RGS5: variants seen among roughly 807,000 people sequenced by gnomAD.
RGS5 encodes the protein regulator of G-protein signalling 5.
Under a neutral mutation model 18.9 loss-of-function variants are expected in RGS5, and 20 were observed. The ratio of observed to expected loss-of-function variants is 1.06; its 90% CI spans 0.74 to 1.54. RGS5 has a LOEUF of 1.54. Among genes scored for constraint, RGS5 ranks in the 40% most tolerant of loss-of-function variants. RGS5 has a pLI of 0.00. For missense variants in RGS5, 201 were observed against 211.8 expected (o/e 0.95, Z 0.32); for synonymous variants, 57 against 76.2 (o/e 0.75, Z 1.31).
chr1:163,306,881 G>C (rs1649715015), intron 1 of RGS5, among the ~76,000 whole-genome samples: 1 of 152,144 alleles, frequency 6.6e-6, no homozygotes, highest in African/African-American at 2.4e-5. Flanking sequence ...ACAGCCCTCA[G>C]AAGGCATCAA....
chr1:163,147,207 A>G lies in RGS5; in HGVS notation c.*135T>C. 1 of 902,988 alleles carries G rather than the reference A, an allele frequency of 1.1e-6. No homozygotes were observed. Among genetic ancestry groups the G allele is most frequent in the Non-Finnish European group, 1.6e-6 (1 of 632,442 alleles). The allele number at this position is 902,988 out of a possible 1,614,324, so 55.9% of individuals were successfully genotyped here. A position where few individuals can be genotyped will look rare whatever the true frequency, so the allele number is the denominator to read the frequency against. On this transcript the variant is annotated 3_prime_UTR_variant, in exon 5 of 5. Transcript: ENST00000313961. ...AGCAGTGTGGGCAAAAAGAGTAAGC[A>G]ACATCCCCTGGGATTTTTCCCATGT... is the stretch of plus-strand genomic sequence containing the variant.
intron 2 of RGS5, among the ~76,000 whole-genome samples, chr1:163,292,341 A>T (rs1289313509): frequency 1.3e-5 from 2 of 152,196 alleles, no homozygotes; most frequent in Non-Finnish European, 2.9e-5. Flanking sequence ...CCTGCAAAAG[A>T]CATGATCTCA....
chr1:163,185,942 A>T (rs1557895680), intron 1 of RGS5, among the ~76,000 whole-genome samples: 1 of 152,196 alleles, frequency 6.6e-6, no homozygotes, highest in Non-Finnish European at 1.5e-5. Flanking sequence ...ATAAAGGTAT[A>T]ATTCAACCTG....
At chr1:163,308,452 T>C (rs1557938240) in intron 1 of RGS5, 3 of 152,132 alleles carry the variant, frequency 2.0e-5, no homozygotes. Context: ...ATTATAATCA[T>C]CTAGAAAAAG....
At chr1:163,300,934 T>C (rs1649536681) in intron 2 of RGS5, among the ~76,000 whole-genome samples, 1 of 152,140 alleles carries the variant, frequency 6.6e-6, no homozygotes, top group Admixed American at 6.5e-5. Context: ...TCACGTTGTG[T>C]TGTGCATAGG....
chr1:163,155,716 C>T (rs1442083689), intron 3 of RGS5, among the ~76,000 whole-genome samples: 2 of 152,096 alleles, frequency 1.3e-5, no homozygotes, highest in Non-Finnish European at 2.9e-5. Flanking sequence ...TCTTCTTTGC[C>T]CTACAACCAT....
chr1:163,242,458 T>C (rs968045827), intron 2 of RGS5, among the ~76,000 whole-genome samples: 2 of 152,206 alleles, frequency 1.3e-5, no homozygotes, highest in Non-Finnish European at 2.9e-5. Context: ...TGAGATAAGA[T>C]AGAAGCATAC....
chr1:163,312,347 G>C (rs1649890609), intron 1 of RGS5, among the ~76,000 whole-genome samples: 1 of 152,220 alleles, frequency 6.6e-6, no homozygotes, highest in African/African-American at 2.4e-5. Flanking sequence ...CTTTATAGCA[G>C]TGTGAGAACG....
At position 163,292,172 on chromosome 1, in the gene RGS5, C is replaced by T. The variant is rs993134943; in HGVS notation, c.-281+14061G>A. Among the ~76,000 whole-genome samples the T allele has an allele frequency of 3.9e-5, 6 of 152,038 alleles. 1 individual carries two copies. Among genetic ancestry groups the T allele is most frequent in the Admixed American group, 3.3e-4 (5 of 15,262 alleles). ...CTACCTTATCTTCTCTCTCTTCTAC[C>T]CCCCACCCTCTGACAGGCCCCAGTG... On this transcript the variant is annotated intron_variant, in intron 2 of 5. Transcript: ENST00000618415.
At chr1:163,163,048 G>C (rs1054013838) in intron 2 of RGS5, among the ~76,000 whole-genome samples, 8 of 140,878 alleles carry the variant, frequency 5.7e-5, no homozygotes, top group South Asian at 2.3e-4. Flanking sequence ...TCGGGGGGGG[G>C]GGTGGTTAAT....
chr1:163,160,920 A>G lies in RGS5; in HGVS notation c.217+995T>C, dbSNP rs929037196. Among the ~76,000 whole-genome samples, 32 of 152,206 alleles carry G rather than the reference A, an allele frequency of 2.1e-4. 1 individual carries two copies. The highest frequency in any genetic ancestry group is 1.5e-5 in the Non-Finnish European group (1 of 68,026). On this transcript the variant is annotated intron_variant, in intron 3 of 4. Transcript: ENST00000313961. ...TCCTGTTTTGAAATTATCTACATGA[A>G]AAAGACTAATTCTTGCCCGTTTGTG... is the stretch of plus-strand genomic sequence containing the variant.
intron 1 of RGS5, among the ~76,000 whole-genome samples, chr1:163,170,316 G>T (rs1330670939): frequency 1.3e-5 from 2 of 152,142 alleles, no homozygotes; most frequent in Non-Finnish European, 2.9e-5. Context: ...ACAATGCTTG[G>T]CAATATAGTA....
intron 2 of RGS5, among the ~76,000 whole-genome samples, chr1:163,287,211 C>T (rs76936461): frequency 0.066 from 10,038 of 152,208 alleles, 363 homozygotes; most frequent in Middle Eastern, 0.13. Context: ...TCCCTTCTTA[C>T]CTTTACTTTG....
intron 1 of RGS5, among the ~76,000 whole-genome samples, chr1:163,200,190 T>C (rs536197003): frequency 8.5e-5 from 13 of 152,180 alleles, no homozygotes; most frequent in African/African-American, 3.1e-4. Flanking sequence ...ATGACAAAAT[T>C]GAGTCTGCAC....
rs529790537 is a variant in RGS5, at chr1:163,301,730, A to G, written c.-281+4503T>C. Among the ~76,000 whole-genome samples, 22 of 152,226 alleles carry G rather than the reference A, an allele frequency of 1.4e-4. No individual in the cohort carries two copies. In the South Asian group the frequency reaches 2.1e-3, roughly 14 times the overall value. ...AGGCCATAAGCCCCCGTGCTTTGTTATTCCTTTAAGTACACAGGATCCGTG... is the reference window on the plus strand; with the variant it reads ...AGGCCATAAGCCCCCGTGCTTTGTTGTTCCTTTAAGTACACAGGATCCGTG... On this transcript the variant is annotated intron_variant, in intron 2 of 5. Coordinates refer to the RGS5 transcript ENST00000618415.
At chr1:163,304,754 C>T (rs1169118655) in intron 2 of RGS5, 1 of 152,136 alleles carries the variant, frequency 6.6e-6, no homozygotes, top group Non-Finnish European at 1.5e-5. Flanking sequence ...AACAGGTGAT[C>T]CCTAGATGTT....
Position 163,146,559 on chromosome 1 carries a change from T to C in RGS5, c.*783A>G, listed in dbSNP as rs967820001. 1.3e-5 allele frequency: 2 copies of C among 152,194 alleles called. No homozygotes were observed. The highest frequency in any genetic ancestry group is 4.8e-5 in the African/African-American group (2 of 41,458). 9.4% of individuals were successfully genotyped at this position (152,194 alleles called of 1,614,324 possible). ...CTAAATAATTTGAAAATGGAAACAT[T>C]TGACCCACAGTCTAGCAGCATAAAT... On this transcript the variant is annotated 3_prime_UTR_variant, in exon 5 of 5. Transcript: ENST00000313961.
chr1:163,151,344 G>T (rs1328519981), intron 4 of RGS5, among the ~76,000 whole-genome samples: 1 of 151,594 alleles, frequency 6.6e-6, no homozygotes, highest in East Asian at 1.9e-4. Context: ...AGAGTAGAAA[G>T]GACAAAAAAA....
At chr1:163,247,424 A>G (rs1255612672) in intron 2 of RGS5, among the ~76,000 whole-genome samples, 3 of 152,018 alleles carry the variant, frequency 2.0e-5, no homozygotes, top group Non-Finnish European at 2.9e-5. Context: ...GCTAATTTAG[A>G]TCAATATAAT....
Sources: gnomAD v4.1 joint callset for allele counts (sites outside exome capture counted in the v4.1 genomes callset) on GRCh38, gnomAD v4.1.1 for gene constraint, MANE v1.5 for transcripts, NCBI Gene and HGNC (gene_info 2026-07-23, HGNC 2026-07-21) for gene names.